The following NEURL1 variants were observed in gnomAD, a reference collection of about 807,000 sequenced individuals.
NEURL1 encodes the protein neuralized E3 ubiquitin protein ligase 1, also known as E3 ubiquitin-protein ligase NEURL1.
NEURL1 carries 26 observed loss-of-function variants against 41.2 expected under a neutral mutation model. The ratio of observed to expected loss-of-function variants is 0.63; its 90% CI spans 0.46 to 0.87. NEURL1 has a LOEUF of 0.87. NEURL1 is among the 40% of genes least tolerant of loss of function. The probability of loss-of-function intolerance (pLI) is 0.00; values close to 1 mark genes in which losing one functional copy is unlikely to be tolerated. For missense variants in NEURL1, 761 were observed against 871.1 expected (o/e 0.87, Z 1.59); for synonymous variants, 400 against 402.3 (o/e 0.99, Z 0.07).
At chr10:103,514,074 A>G (rs2034139685) in intron 1 of NEURL1, among the ~76,000 whole-genome samples, 1 of 151,924 alleles carries the variant, frequency 6.6e-6, no homozygotes, top group Admixed American at 6.5e-5. Flanking sequence ...GGTCTCCTGG[A>G]TGAACTGAGT....
rs1339638768 is a variant in NEURL1 at position 103,555,218 on chromosome 10, G to A, written c.86-15654G>A. ...GGCGTGCGCGTGTGCCGGAGGGGGCGCGTGGGGGCGCGTGGGGGCGCGGGA... is the reference window on the plus strand; with the variant it reads ...GGCGTGCGCGTGTGCCGGAGGGGGCACGTGGGGGCGCGTGGGGGCGCGGGA... On this transcript the variant is annotated intron_variant, in intron 1 of 5. Transcript: ENST00000369780. 9.0e-6 allele frequency: 7 copies of A among 776,830 alleles called. No homozygotes were observed. In the African/African-American group the frequency reaches 1.3e-4, roughly 15 times the overall value. The allele number at this position is 776,830 out of a possible 1,614,324, so 48.1% of individuals were successfully genotyped here.
At chr10:103,564,197 C>G (rs1375782407) in intron 1 of NEURL1, among the ~76,000 whole-genome samples, 1 of 152,222 alleles carries the variant, frequency 6.6e-6, no homozygotes, top group Non-Finnish European at 1.5e-5. Context: ...ACCCGGAGAG[C>G]TGGCCAGGCT....
intron 1 of NEURL1, among the ~76,000 whole-genome samples, chr10:103,509,775 A>G (rs2034029013): frequency 6.6e-6 from 1 of 152,090 alleles, no homozygotes; most frequent in African/African-American, 2.4e-5. Context: ...CTGAGGCATG[A>G]GGTGGTATTT....
At chr10:103,586,483 G>C (rs560288783) in intron 4 of NEURL1, among the ~76,000 whole-genome samples, 2 of 152,306 alleles carry the variant, frequency 1.3e-5, no homozygotes, top group African/African-American at 4.8e-5. Flanking sequence ...GCTTACCCAA[G>C]TTTGGAGACC....
At chr10:103,499,881 G>A (rs17115689) in intron 1 of NEURL1, among the ~76,000 whole-genome samples, 3,307 of 152,130 alleles carry the variant, frequency 0.022, 127 homozygotes, top group African/African-American at 0.076. Flanking sequence ...CGATGCTGCC[G>A]GAGTGATTCT....
chr10:103,537,139 T>G (rs2034709774), intron 1 of NEURL1, among the ~76,000 whole-genome samples: 1 of 152,256 alleles, frequency 6.6e-6, no homozygotes, highest in South Asian at 2.1e-4. Context: ...TGTATGTATG[T>G]GCCACATTTT....
intron 3 of NEURL1, 141 bp from the exon 4 acceptor site, chr10:103,584,395 C>G (rs1476445926): frequency 7.1e-5 from 30 of 423,678 alleles, no homozygotes; most frequent in Middle Eastern, 1.3e-3. Context: ...TGACTGTGTT[C>G]GCTAATTTAT....
chr10:103,513,654 A>G (rs1045897330), intron 1 of NEURL1, among the ~76,000 whole-genome samples: 1 of 151,940 alleles, frequency 6.6e-6, no homozygotes, highest in Admixed American at 6.5e-5. Flanking sequence ...ACCCAGACTC[A>G]CAGGGCAAGT....
chr10:103,513,387 C>T (rs1191618830), intron 1 of NEURL1, among the ~76,000 whole-genome samples: 1 of 152,204 alleles, frequency 6.6e-6, no homozygotes, highest in African/African-American at 2.4e-5. Context: ...TTGTTTTTCA[C>T]TGGGAGGTAT....
intron 1 of NEURL1, among the ~76,000 whole-genome samples, chr10:103,521,225 T>C (rs1465369795): frequency 6.6e-6 from 1 of 152,132 alleles, no homozygotes. Context: ...CTTGGGTGAT[T>C]TGACTAATAA....
In NEURL1 at chr10:103,498,469, G is replaced by A. The variant is rs758674176; in HGVS notation, c.85+3997G>A. ...TCTCGATCTCCTGACCTTGTGATCC[G>A]CCCGCCTCGGCCTCCCAAAGTGCTG... On this transcript the variant is annotated intron_variant, in intron 1 of 5. Transcript: ENST00000369780. Among the ~76,000 whole-genome samples the A allele has an allele frequency of 1.8e-3, 280 of 152,008 alleles. 1 individual carries two copies. The highest frequency in any genetic ancestry group is 3.0e-3 in the Non-Finnish European group (204 of 67,952).
At chr10:103,547,897 C>T (rs116445883) in intron 1 of NEURL1, among the ~76,000 whole-genome samples, 161 of 152,142 alleles carry the variant, frequency 1.1e-3, no homozygotes, top group African/African-American at 3.6e-3. Flanking sequence ...GCACATCCCG[C>T]GCTCATCCTG....
intron 1 of NEURL1, among the ~76,000 whole-genome samples, chr10:103,528,377 A>T (rs1195492685): frequency 6.6e-6 from 1 of 151,950 alleles, no homozygotes; most frequent in East Asian, 1.9e-4. Flanking sequence ...AGAAAAAAAA[A>T]TACAAAAATT....
intron 3 of NEURL1, among the ~76,000 whole-genome samples, chr10:103,575,801 G>A (rs2035650176): frequency 6.6e-6 from 1 of 152,248 alleles, no homozygotes; most frequent in Non-Finnish European, 1.5e-5. Flanking sequence ...AAGAATAACA[G>A]CTTCCTTCCT....
chr10:103,589,684 C>A lies in NEURL1; in HGVS notation c.1486+24C>A, dbSNP rs373828175. Reference sequence around the variant, plus strand: ...TGGTAAGTAGGCTGGCTCCTCTGTTCCTTGGTGACCATGTGGGACTGCAGC... The same window carrying A: ...TGGTAAGTAGGCTGGCTCCTCTGTTACTTGGTGACCATGTGGGACTGCAGC... On this transcript the variant is annotated intron_variant, in intron 5 of 5. Transcript: ENST00000369780. 2.9e-5 allele frequency: 47 copies of A among 1,594,658 alleles called. No homozygotes were observed. The African/African-American group carries it at 6.2e-4, about 21-fold the overall frequency.
At chr10:103,568,039 G>A (rs1008854100) in intron 1 of NEURL1, among the ~76,000 whole-genome samples, 2 of 152,162 alleles carry the variant, frequency 1.3e-5, no homozygotes, top group Non-Finnish European at 2.9e-5. Flanking sequence ...TCAGGGATAC[G>A]GGAGAGGATG....
rs943422216 is a variant in NEURL1, at chr10:103,509,263, C to T, written c.85+14791C>T. On this transcript the variant is annotated intron_variant, in intron 1 of 5. Coordinates refer to ENST00000369780, the MANE Select transcript of NEURL1 (RefSeq NM_004210.5). ...AAAAAAAAAAAAAAAGAGAAAGAAACCAAATACAGTTGTGTGTGGCTTAAC... is the reference window on the plus strand; with the variant it reads ...AAAAAAAAAAAAAAAGAGAAAGAAATCAAATACAGTTGTGTGTGGCTTAAC... Among the ~76,000 whole-genome samples, 11 of 150,788 alleles carry T rather than the reference C, an allele frequency of 7.3e-5. No individual in the cohort carries two copies. In the East Asian group the frequency reaches 1.2e-3, roughly 16 times the overall value.
rs1034200802 is a variant in NEURL1, at chr10:103,585,141, G to A, written c.1255G>A (p.Gly419Ser). ...LHLSHNGAAA[G>S]MQLCVDASQP... is the part of the protein sequence containing the mutation. ...CCTCAGCCACAATGGCGCGGCCGCC[G>A]GCATGCAGCTGTGCGTGGACGCCTC... Residue 419 changes from glycine to serine, a missense_variant, in exon 4 of 6, where the codon GGC becomes AGC. Gly to Ser is a moderately conservative substitution (Grantham distance 56). Around this residue, in one of 5 missense-constraint regions of NEURL1, gnomAD observed 443 missense variants for 408.1 expected, o/e 1.09. Coordinates refer to ENST00000369780, the MANE Select transcript of NEURL1 (RefSeq NM_004210.5). The A allele has an allele frequency of 5.0e-6, 8 of 1,591,762 alleles. No homozygotes were observed. The highest frequency in any genetic ancestry group is 6.8e-6 in the Non-Finnish European group (8 of 1,176,110).
At chr10:103,499,232 G>A (rs1468431618) in intron 1 of NEURL1, among the ~76,000 whole-genome samples, 1 of 152,212 alleles carries the variant, frequency 6.6e-6, no homozygotes, top group Non-Finnish European at 1.5e-5. Context: ...CTGGGGGGCT[G>A]AAGGAGAAGC....
Sources: gnomAD v4.1 joint callset for allele counts (sites outside exome capture counted in the v4.1 genomes callset) on GRCh38, gnomAD v4.1.1 for gene constraint, gnomAD v4.1.1 regional missense constraint, MANE v1.5 for transcripts, NCBI Gene and HGNC (gene_info 2026-07-23, HGNC 2026-07-21) for gene names.